The following PRKRIP1 variants were observed in gnomAD, a reference collection of about 807,000 sequenced individuals.
PRKRIP1 encodes the protein PRKR interacting protein 1.
PRKRIP1 carries 29 observed loss-of-function variants against 29.3 expected under a neutral mutation model. The ratio of observed to expected loss-of-function variants is 0.99; its 90% confidence interval spans 0.74 to 1.35. PRKRIP1 has a LOEUF of 1.35. PRKRIP1 is among the 40% of genes most tolerant of loss of function. The pLI, the probability that PRKRIP1 is intolerant of heterozygous loss-of-function variation, is 0.00. For synonymous variants in PRKRIP1, 90 were observed against 85.1 expected (o/e 1.06, Z -0.32); for missense variants, 247 against 236.8 (o/e 1.04, Z -0.28).
intron 5 of PRKRIP1, 51 bp downstream of exon 5, chr7:102,407,549 A>G (rs1554572025): frequency 7.3e-7 from 1 of 1,366,662 alleles, no homozygotes; most frequent in Admixed American, 1.7e-5. Flanking sequence ...CTTGTTGGTC[A>G]CAGTGGCTGA....
chr7:102,421,796 CAAAA>C (rs781929946), intron 5 of PRKRIP1, among the ~76,000 whole-genome samples: 2 of 124,944 alleles, frequency 1.6e-5, no homozygotes, highest in East Asian at 4.6e-4. Context: ...ACCCCGTCTC[CAAAA>C]AAAAAAAAAA....
At chr7:102,417,766 C>T (rs1345247801) in intron 5 of PRKRIP1, among the ~76,000 whole-genome samples, 3 of 151,718 alleles carry the variant, frequency 2.0e-5, no homozygotes, top group African/African-American at 7.3e-5. Flanking sequence ...CACAGGCATG[C>T]ACCACCATGC....
chr7:102,397,617 C>G lies in PRKRIP1; in HGVS notation c.127-3C>G, dbSNP rs1554570575. On this transcript the variant is annotated splice_region_variant and splice_polypyrimidine_tract_variant and intron_variant, in intron 1 of 5. Transcript: ENST00000397912. Reference sequence around the variant, plus strand: ...TAAATGCTTTCATGTTTAAATGTTGCAGGACAAAGCAGTTCCAATTCCAGA... The same window carrying G: ...TAAATGCTTTCATGTTTAAATGTTGGAGGACAAAGCAGTTCCAATTCCAGA... 1 of 1,611,826 alleles carries G rather than the reference C, an allele frequency of 6.2e-7. No homozygotes were observed. The highest frequency in any genetic ancestry group is 1.7e-5 in the Admixed American group (1 of 59,752).
At chr7:102,421,918 C>T (rs1289555057) in intron 5 of PRKRIP1, among the ~76,000 whole-genome samples, 3 of 152,048 alleles carry the variant, frequency 2.0e-5, no homozygotes, top group African/African-American at 7.2e-5. Context: ...AGCTGTGCTG[C>T]TTAATTACTC....
At position 102,396,420 on chromosome 7, in the gene PRKRIP1, C is replaced by T. The variant is rs371064965; in HGVS notation, c.9C>T (p.Ser3=). The change falls in exon 1 of 6, where the codon AGC becomes AGT. Residue 3 remains serine, a synonymous_variant. Transcript: ENST00000397912. ...GAAACTGGAAGGCTGCCATGGCTAG[C>T]CCAGCCGCCTCCTCGGTGCGACCAC... MA[S]PAASSVRPPR... is the part of the protein sequence containing the mutation. The T allele has an allele frequency of 4.4e-5, 69 of 1,583,570 alleles. No homozygotes were observed. The highest frequency in any genetic ancestry group is 2.9e-4 in the African/African-American group (21 of 72,828).
At chr7:102,403,252 A>G (rs912805514) in intron 3 of PRKRIP1, among the ~76,000 whole-genome samples, 1 of 152,216 alleles carries the variant, frequency 6.6e-6, no homozygotes, top group African/African-American at 2.4e-5. Flanking sequence ...AAAGTTGATT[A>G]ATTAAAGTTG....
At chr7:102,408,689 G>A (rs1178296633) in intron 5 of PRKRIP1, among the ~76,000 whole-genome samples, 2 of 152,320 alleles carry the variant, frequency 1.3e-5, no homozygotes, top group Middle Eastern at 3.4e-3. Context: ...TTTGGTTTTA[G>A]GGTGAAGTCA....
chr7:102,422,188 T>TATTATTATTATC (rs1461283190), intron 5 of PRKRIP1, among the ~76,000 whole-genome samples: 1 of 147,392 alleles, frequency 6.8e-6, no homozygotes, highest in Admixed American at 6.8e-5. Context: ...TGATTATTAT[T>TATTATTATTATC]ATCAGAGACG....
intron 5 of PRKRIP1, among the ~76,000 whole-genome samples, chr7:102,417,665 C>T (rs1796590434): frequency 7.1e-6 from 1 of 141,206 alleles, no homozygotes; most frequent in Non-Finnish European, 1.5e-5. Flanking sequence ...CTTACCTAGG[C>T]TGGAGTGCAG....
At chr7:102,410,608 C>T (rs1391343993) in intron 5 of PRKRIP1, among the ~76,000 whole-genome samples, 10 of 152,090 alleles carry the variant, frequency 6.6e-5, no homozygotes, top group Admixed American at 2.6e-4. Context: ...GAGAGGGAGA[C>T]GGGAAATTAA....
intron 5 of PRKRIP1, among the ~76,000 whole-genome samples, chr7:102,422,285 C>T (rs1796715729): frequency 6.6e-6 from 1 of 151,454 alleles, no homozygotes. Context: ...AGCGATTCTC[C>T]TGCTTCAGCC....
chr7:102,415,603 G>C lies in PRKRIP1; in HGVS notation c.457+8105G>C, dbSNP rs147464487. The stretch of plus-strand genomic sequence containing the variant: ...CTTCTGCCTTTACAACAATACCCAA[G>C]ATCACGGAATGCTTCTTACGTACCC... On this transcript the variant is annotated intron_variant, in intron 5 of 5. Transcript: ENST00000397912. Among the ~76,000 whole-genome samples the C allele has an allele frequency of 4.3e-4, 65 of 152,372 alleles. 1 individual carries two copies. The highest frequency in any genetic ancestry group is 1.3e-3 in the African/African-American group (55 of 41,590).
chr7:102,399,603 G>C lies in PRKRIP1; in HGVS notation c.261G>C (p.Arg87=), dbSNP rs1796010728. The C allele has an allele frequency of 1.2e-6, 2 of 1,614,130 alleles. No homozygotes were observed. The highest frequency in any genetic ancestry group is 1.7e-6 in the Non-Finnish European group (2 of 1,180,034). The change falls in exon 3 of 6, where the codon CGG becomes CGC. Residue 87 remains arginine (R), a synonymous_variant. Coordinates refer to ENST00000397912, the MANE Select transcript of PRKRIP1 (RefSeq NM_024653.4). ...TCCACGTGTACAGACATCTGCGCCG[G>C]AGAGAATATCAGCGACAGGACTACA... ...GEFHVYRHLR[R]REYQRQDYMD...
At chr7:102,403,348 A>C (rs1372380010) in intron 3 of PRKRIP1, among the ~76,000 whole-genome samples, 1 of 152,244 alleles carries the variant, frequency 6.6e-6, no homozygotes, top group African/African-American at 2.4e-5. Context: ...AGATGCGTAC[A>C]GCCCTGGCGG....
rs113919351 is a variant in PRKRIP1, at chr7:102,406,870, CAA to C, written c.393-551_393-550del. Among the ~76,000 whole-genome samples the C allele has an allele frequency of 5.9e-3, 581 of 97,668 alleles. 5 individuals are homozygous for C. Among genetic ancestry groups the C allele is most frequent in the African/African-American group, 0.02 (541 of 26,944 alleles). 64.1% of individuals were successfully genotyped at this position (97,668 alleles called of 152,430 possible). On this transcript the variant is annotated intron_variant, in intron 4 of 5. Transcript: ENST00000397912. ...ACATAAACAAGTAATAAGTCATTAG[CAA>C]AAAAAAAAAAAAGCCGATTAAAATG... is the stretch of plus-strand genomic sequence containing the variant.
chr7:102,424,875 A>T (rs1983476), intron 5 of PRKRIP1, 139 bp from the exon 6 acceptor site: 1 of 771,336 alleles, frequency 1.3e-6, no homozygotes. Flanking sequence ...GGACTGGTGG[A>T]CGTGAGGCAT....
In PRKRIP1 at chr7:102,404,526, C is replaced by A. The variant is rs1327961147; in HGVS notation, c.307-72C>A. The A allele has an allele frequency of 5.5e-5, 70 of 1,270,600 alleles. 2 individuals are homozygous for A. The Admixed American group carries it at 1.3e-3, about 23-fold the overall frequency. 78.7% of individuals were successfully genotyped at this position (1,270,600 alleles called of 1,614,324 possible). On this transcript the variant is annotated intron_variant, in intron 3 of 5. Coordinates refer to ENST00000397912, the MANE Select transcript of PRKRIP1 (RefSeq NM_024653.4). ...TGGTGTGACTTCTAGAACTCTCCTA[C>A]TTTGCCTGAGCAAAACCTCCCACAG...
chr7:102,405,014 C>A (rs1796176853), intron 4 of PRKRIP1, among the ~76,000 whole-genome samples: 1 of 152,026 alleles, frequency 6.6e-6, no homozygotes, highest in Non-Finnish European at 1.5e-5. Flanking sequence ...GCAACCTCCG[C>A]CTCCTGGGTT....
At chr7:102,402,997 C>G (rs1380583930) in intron 3 of PRKRIP1, among the ~76,000 whole-genome samples, 1 of 152,128 alleles carries the variant, frequency 6.6e-6, no homozygotes, top group East Asian at 1.9e-4. Flanking sequence ...GTCTCAGCCT[C>G]CCGAGTACCT....
Sources: gnomAD v4.1 joint callset for allele counts (sites outside exome capture counted in the v4.1 genomes callset) on GRCh38, gnomAD v4.1.1 for gene constraint, MANE v1.5 for transcripts, NCBI Gene and HGNC (gene_info 2026-07-23, HGNC 2026-07-21) for gene names.